Variants in UNC13C observed in about 807,000 individuals in gnomAD.
The protein encoded by UNC13C is protein unc-13 homolog C.
A neutral mutation model predicts 245.4 loss-of-function variants in UNC13C; 174 were observed. That is an observed-to-expected ratio of 0.71 (90% CI 0.63 to 0.80). UNC13C has a LOEUF of 0.80. Ranked by LOEUF, UNC13C falls within the 30% of genes least tolerant of loss-of-function variation. UNC13C has a pLI of 0.00. For synonymous variants in UNC13C, 992 were observed against 895.1 expected, an observed-to-expected ratio of 1.11 and a Z score of -1.93; for missense variants, 2,829 against 2,602.9, an observed-to-expected ratio of 1.09 and a Z score of -1.89.
Position 54,626,175 on chromosome 15 carries a change from T to TCTTTATTATGTTGACAC in UNC13C, c.6360-653_6360-652insCTTTATTATGTTGACAC, listed in dbSNP as rs1566947115. ...CTACCATATCACCACTTGGCCTTCT[T>TCTTTATTATGTTGACAC]TATTATGTTGACACTAACAAGCTGT... On this transcript the variant is annotated intron_variant, in intron 32 of 32. Transcript: ENST00000260323. Among the ~76,000 whole-genome samples the TCTTTATTATGTTGACAC allele has an allele frequency of 2.5e-5, 3 of 120,568 alleles. No individual in the cohort carries two copies. In the East Asian group the frequency reaches 7.9e-4, roughly 32 times the overall value. 79.1% of individuals were successfully genotyped at this position (120,568 alleles called of 152,430 possible).
At chr15:54,444,355 T>C (rs1005586581) in intron 19 of UNC13C, among the ~76,000 whole-genome samples, 1 of 151,332 alleles carries the variant, frequency 6.6e-6, no homozygotes, top group South Asian at 2.1e-4. Context: ...TATATACATA[T>C]ATATGTATAT....
chr15:53,976,745 A>T (rs1247974961), upstream of UNC13C: 4 of 152,134 alleles, frequency 2.6e-5, no homozygotes, highest in South Asian at 8.3e-4. Context: ...ATCCAAATTT[A>T]CTGAAGACGT....
At chr15:54,620,201 A>G (rs983722434) in intron 30 of UNC13C, among the ~76,000 whole-genome samples, 2 of 152,154 alleles carry the variant, frequency 1.3e-5, no homozygotes, top group African/African-American at 4.8e-5. Flanking sequence ...TGCTGAGTAC[A>G]TAAGCAAGAT....
intron 10 of UNC13C, among the ~76,000 whole-genome samples, chr15:54,281,420 A>C (rs559376858): frequency 4.6e-5 from 7 of 152,310 alleles, no homozygotes; most frequent in Non-Finnish European, 1.0e-4. Context: ...TGAGAGAGAG[A>C]ACCAAAGATA....
chr15:54,582,922 A>C (rs1898270919), intron 30 of UNC13C, among the ~76,000 whole-genome samples: 1 of 152,174 alleles, frequency 6.6e-6, no homozygotes, highest in Admixed American at 6.5e-5. Flanking sequence ...GTGCTACTGA[A>C]ACTCTAAGGG....
chr15:54,436,226 A>T (rs1374529857), intron 19 of UNC13C, among the ~76,000 whole-genome samples: 1 of 151,992 alleles, frequency 6.6e-6, no homozygotes, highest in African/African-American at 2.4e-5. Context: ...TCATGACTAA[A>T]ATATTATGAG....
At position 54,441,562 on chromosome 15, in the gene UNC13C, C is replaced by T. The variant is rs142247901; in HGVS notation, c.4933+26495C>T. On this transcript the variant is annotated intron_variant, in intron 19 of 32. Coordinates refer to ENST00000260323, the MANE Select transcript of UNC13C (RefSeq NM_001080534.3). ...TTCCATTGTTCTATGTGTCTGTTTT[C>T]ATACCAATACCATGCTATTTTGTTG... Among the ~76,000 whole-genome samples the T allele has an allele frequency of 5.0e-3, 761 of 152,158 alleles. 6 individuals are homozygous for T. Among genetic ancestry groups the T allele is most frequent in the African/African-American group, 0.017 (711 of 41,534 alleles).
intron 19 of UNC13C, among the ~76,000 whole-genome samples, chr15:54,448,426 C>G (rs985054368): frequency 6.6e-6 from 1 of 151,926 alleles, no homozygotes. Flanking sequence ...TTTGTAGGTC[C>G]CTAAGGACTT....
chr15:53,931,058 C>T, the UNC13C span, among the ~76,000 whole-genome samples: 1 of 152,214 alleles, frequency 6.6e-6, no homozygotes, highest in Non-Finnish European at 1.5e-5. Context: ...CAGTTGACAA[C>T]TGTCGAATGC....
At chr15:53,964,975 A>G in the UNC13C span, among the ~76,000 whole-genome samples, 1 of 152,156 alleles carries the variant, frequency 6.6e-6, no homozygotes, top group Non-Finnish European at 1.5e-5. Context: ...AGAAAATACA[A>G]TTGTTCAGAA....
chr15:54,500,994 T>C lies in UNC13C; in HGVS notation c.5301+16T>C. 12 of 1,609,804 alleles carry C rather than the reference T, an allele frequency of 7.5e-6. No homozygotes were observed. Among genetic ancestry groups the C allele is most frequent in the Non-Finnish European group, 1.0e-5 (12 of 1,177,600 alleles). On this transcript the variant is annotated intron_variant, in intron 22 of 32. Transcript: ENST00000260323. ...ATTTGCAAAGGTAGGTTAAATAAAA[T>C]GAGTCTTCTTTTTCTCTGGGTCTGT...
the UNC13C span, among the ~76,000 whole-genome samples, chr15:53,873,613 G>A: frequency 2.0e-5 from 3 of 152,126 alleles, no homozygotes; most frequent in Non-Finnish European, 2.9e-5. Context: ...CCAATTGTGG[G>A]AGAAGATATC....
intron 2 of UNC13C, among the ~76,000 whole-genome samples, chr15:54,079,765 T>C (rs1344603566): frequency 1.3e-5 from 2 of 152,054 alleles, no homozygotes; most frequent in African/African-American, 2.4e-5. Context: ...ATAGAAATAA[T>C]TTGATTTCCT....
intron 17 of UNC13C, among the ~76,000 whole-genome samples, chr15:54,366,856 A>C (rs760596552): frequency 1.3e-5 from 2 of 152,124 alleles, no homozygotes; most frequent in Non-Finnish European, 2.9e-5. Context: ...TGCATGGAAT[A>C]CACTCAGTCC....
intron 4 of UNC13C, among the ~76,000 whole-genome samples, chr15:54,171,946 C>G (rs1490932558): frequency 6.6e-6 from 1 of 152,064 alleles, no homozygotes; most frequent in Non-Finnish European, 1.5e-5. Context: ...GAGATCCTGT[C>G]ATTTGCAGTT....
At chr15:54,452,806 G>T (rs549064813) in intron 19 of UNC13C, among the ~76,000 whole-genome samples, 2 of 152,202 alleles carry the variant, frequency 1.3e-5, no homozygotes, top group Non-Finnish European at 1.5e-5. Context: ...TTGGCCCCAG[G>T]TGGCAGCTGC....
chr15:53,961,948 ATCTTTAATG>A, the UNC13C span, among the ~76,000 whole-genome samples: 1 of 152,218 alleles, frequency 6.6e-6, no homozygotes, highest in South Asian at 2.1e-4. Flanking sequence ...CTTCTTTCTT[ATCTTTAATG>A]TCTTTCTTCA....
chr15:54,454,393 A>C (rs1226493762), intron 19 of UNC13C, among the ~76,000 whole-genome samples: 5 of 152,070 alleles, frequency 3.3e-5, no homozygotes, highest in Non-Finnish European at 5.9e-5. Context: ...CCTAGCCAAC[A>C]TGGTGAAACC....
chr15:54,328,802 T>G (rs1182036560), intron 14 of UNC13C, among the ~76,000 whole-genome samples: 1 of 152,108 alleles, frequency 6.6e-6, no homozygotes, highest in Non-Finnish European at 1.5e-5. Flanking sequence ...TAAGAATATT[T>G]TTTAATATTT....
Sources: allele counts gnomAD v4.1 joint callset (sites outside exome capture counted in the v4.1 genomes callset), GRCh38; gene constraint gnomAD v4.1.1; transcripts MANE v1.5; gene names NCBI Gene and HGNC (gene_info 2026-07-23, HGNC 2026-07-21).